Variants in MAPK6 observed in about 807,000 individuals in gnomAD.
MAPK6 encodes mitogen-activated protein kinase 6.
Under a neutral mutation model 59.3 loss-of-function variants are expected in MAPK6, and 19 were observed. That is an observed-to-expected ratio of 0.32 (90% confidence interval 0.22 to 0.47). The LOEUF (loss-of-function observed/expected upper bound fraction) is 0.47. Ranked by LOEUF, MAPK6 falls within the 20% of genes least tolerant of loss-of-function variation. MAPK6 has a pLI of 1.00. For synonymous variants in MAPK6, 316 were observed against 290.3 expected, an observed-to-expected ratio of 1.09 and a Z score of -0.90; for missense variants, 724 against 847.9, an observed-to-expected ratio of 0.85 and a Z score of 1.81.
intron 1 of MAPK6, among the ~76,000 whole-genome samples, chr15:51,983,029 T>C (rs1026014400): frequency 2.6e-5 from 4 of 152,330 alleles, no homozygotes; most frequent in Admixed American, 1.3e-4. Flanking sequence ...AACACACATG[T>C]ACACACTTTT....
rs377178962 is a variant in MAPK6 at position 52,024,959 on chromosome 15, C to T, written c.-632+5583C>T. Among the ~76,000 whole-genome samples the T allele has an allele frequency of 8.4e-5, 12 of 142,082 alleles. No homozygotes were observed. In the East Asian group the frequency reaches 1.8e-3, roughly 21 times the overall value. The allele number at this position is 142,082 out of a possible 152,430, so 93.2% of individuals were successfully genotyped here. A position where few individuals can be genotyped will look rare whatever the true frequency, so the allele number is the denominator to read the frequency against. ...TCGTCTCAAACTCCTGGCCTCCTAA[C>T]GTGCTGGGAAGAACCTGCATTTTAA... is the stretch of plus-strand genomic sequence containing the variant. On this transcript the variant is annotated intron_variant, in intron 1 of 5. Coordinates refer to ENST00000261845, the MANE Select transcript of MAPK6 (RefSeq NM_002748.4).
upstream of MAPK6, among the ~76,000 whole-genome samples, chr15:52,016,007 G>T (rs1413901290): frequency 6.7e-6 from 1 of 148,206 alleles, no homozygotes; most frequent in African/African-American, 2.5e-5. Context: ...AGTGAGCTGA[G>T]ATCCTGCCAC....
upstream of MAPK6, among the ~76,000 whole-genome samples, chr15:52,016,401 A>G: frequency 6.6e-6 from 1 of 152,024 alleles, no homozygotes; most frequent in Non-Finnish European, 1.5e-5. Flanking sequence ...AAAAAAGAAA[A>G]AAAAAACACC....
At chr15:52,054,749 C>CAT (rs1555399922) in intron 3 of MAPK6, among the ~76,000 whole-genome samples, 4 of 150,052 alleles carry the variant, frequency 2.7e-5, no homozygotes, top group South Asian at 2.1e-4. Flanking sequence ...CACACACACA[C>CAT]ATATACACAT....
intron 1 of MAPK6, among the ~76,000 whole-genome samples, chr15:51,977,670 G>A (rs1295023296): frequency 1.3e-5 from 2 of 151,878 alleles, no homozygotes; most frequent in Non-Finnish European, 2.9e-5. Flanking sequence ...CTGAGTAGCC[G>A]GGATTACAGG....
chr15:52,053,650 G>A (rs2031863419), intron 3 of MAPK6, among the ~76,000 whole-genome samples: 2 of 120,920 alleles, frequency 1.7e-5, no homozygotes, highest in African/African-American at 6.6e-5. Context: ...TTGATTGATT[G>A]ATTTTTTAAG....
intron 1 of MAPK6, among the ~76,000 whole-genome samples, chr15:52,043,708 A>G (rs2141079182): frequency 6.7e-6 from 1 of 150,168 alleles, no homozygotes; most frequent in Non-Finnish European, 1.5e-5. Flanking sequence ...TCAGCTAGAT[A>G]ATAGCAAATG....
upstream of MAPK6, among the ~76,000 whole-genome samples, chr15:52,015,136 G>A (rs2030197735): frequency 6.6e-6 from 1 of 151,966 alleles, no homozygotes; most frequent in African/African-American, 2.4e-5. Context: ...GAGTAGCTGG[G>A]ATTACAGGCA....
At chr15:51,995,341 T>A (rs899940454) in intron 2 of MAPK6, among the ~76,000 whole-genome samples, 1 of 152,148 alleles carries the variant, frequency 6.6e-6, no homozygotes, top group African/African-American at 2.4e-5. Flanking sequence ...GGGCATGAGC[T>A]TGGGTGAGGT....
At chr15:52,061,530 A>AT in intron 5 of MAPK6, 30 bp downstream of exon 5, 1 of 1,532,132 alleles carries the variant, frequency 6.5e-7, no homozygotes, top group Non-Finnish European at 9.0e-7. Context: ...GAAAAATAAT[A>AT]TTTACTGAAC....
chr15:52,001,898 C>T (rs941446655), intron 2 of MAPK6, among the ~76,000 whole-genome samples: 21 of 152,076 alleles, frequency 1.4e-4, no homozygotes, highest in African/African-American at 4.8e-4. Flanking sequence ...TGGGGGGCAT[C>T]AACCCAGATG....
At chr15:51,997,590 C>CTTTTT (rs747963086) in intron 2 of MAPK6, among the ~76,000 whole-genome samples, 2 of 135,054 alleles carry the variant, frequency 1.5e-5, no homozygotes, top group Admixed American at 7.6e-5. Context: ...TTCTTTCTTT[C>CTTTTT]TTTTTTTTTT....
chr15:52,040,330 A>G (rs1184231665), intron 1 of MAPK6, among the ~76,000 whole-genome samples: 2 of 152,202 alleles, frequency 1.3e-5, no homozygotes, highest in Admixed American at 1.3e-4. Context: ...TGTTAACTCA[A>G]ATTACTCACT....
intron 1 of MAPK6, among the ~76,000 whole-genome samples, chr15:51,981,734 C>G (rs2057174131): frequency 6.6e-6 from 1 of 152,040 alleles, no homozygotes; most frequent in African/African-American, 2.4e-5. Flanking sequence ...TCAGCGTACT[C>G]AACACCAGAG....
intron 4 of MAPK6, among the ~76,000 whole-genome samples, 160 bp downstream of exon 4, chr15:52,058,957 T>C (rs1042845259): frequency 3.9e-5 from 6 of 152,222 alleles, no homozygotes; most frequent in East Asian, 3.8e-4. Flanking sequence ...TTTTCCCTTT[T>C]TTTGTCCTGT....
intron 2 of MAPK6, among the ~76,000 whole-genome samples, chr15:51,987,304 C>A (rs1340403757): frequency 2.6e-5 from 4 of 152,124 alleles, no homozygotes; most frequent in African/African-American, 9.7e-5. Flanking sequence ...AGATGCCTAC[C>A]TTTAAAATCC....
At chr15:51,995,202 A>G (rs907400944) in intron 2 of MAPK6, among the ~76,000 whole-genome samples, 5 of 152,226 alleles carry the variant, frequency 3.3e-5, no homozygotes, top group Non-Finnish European at 5.9e-5. Flanking sequence ...AAGGCCCAGC[A>G]GCCTCAGCTG....
chr15:51,990,746 C>T (rs143267827), intron 2 of MAPK6, among the ~76,000 whole-genome samples: 2 of 152,310 alleles, frequency 1.3e-5, no homozygotes, highest in Non-Finnish European at 2.9e-5. Context: ...GTCGGGAGAT[C>T]GAGACCATTC....
intron 4 of MAPK6, among the ~76,000 whole-genome samples, chr15:52,060,056 C>T (rs1172856788): frequency 6.6e-6 from 1 of 152,132 alleles, no homozygotes; most frequent in Non-Finnish European, 1.5e-5. Flanking sequence ...TACCTCTCAT[C>T]CTTTCTGTAG....
Sources: allele counts gnomAD v4.1 joint callset (sites outside exome capture counted in the v4.1 genomes callset), GRCh38; gene constraint gnomAD v4.1.1; transcripts MANE v1.5; gene names NCBI Gene and HGNC (gene_info 2026-07-23, HGNC 2026-07-21).